Variants in FBXO28 observed in about 807,000 individuals in gnomAD.
FBXO28 encodes F-box protein 28.
Under a neutral mutation model 38.1 loss-of-function variants are expected in FBXO28, and 8 were observed. That is an observed-to-expected ratio of 0.21 (90% CI 0.12 to 0.38). The LOEUF is 0.38. Ranked by LOEUF, FBXO28 falls within the 10% of genes least tolerant of loss-of-function variation. The probability of loss-of-function intolerance (pLI) is 1.00; values close to 1 mark genes in which losing one functional copy is unlikely to be tolerated. For missense variants in FBXO28, 345 were observed against 460.6 expected (o/e 0.75, Z 2.30); for synonymous variants, 168 against 173.8 (o/e 0.97, Z 0.26).
intron 3 of FBXO28, among the ~76,000 whole-genome samples, chr1:224,137,543 A>G (rs1373300574): frequency 6.6e-6 from 1 of 151,860 alleles, no homozygotes; most frequent in East Asian, 1.9e-4. Context: ...AGAAAAAAGA[A>G]AAAGGAAGAC....
At chr1:224,139,795 TACA>T (rs1412856307) in intron 3 of FBXO28, among the ~76,000 whole-genome samples, 1 of 151,834 alleles carries the variant, frequency 6.6e-6, no homozygotes, top group African/African-American at 2.4e-5. Context: ...CATACATACA[TACA>T]TACATTTTGG....
At chr1:224,130,301 C>T (rs1269391219) in intron 1 of FBXO28, among the ~76,000 whole-genome samples, 171 bp from the exon 2 acceptor site, 1 of 152,118 alleles carries the variant, frequency 6.6e-6, no homozygotes, top group Non-Finnish European at 1.5e-5. Context: ...GAGATTGCAC[C>T]ACTGCACTCC....
At position 224,157,704 on chromosome 1, in the gene FBXO28, A is replaced by T; in HGVS notation, c.1065A>T (p.Ile355=). The T allele has an allele frequency of 6.2e-7, 1 of 1,612,956 alleles. No homozygotes were observed. Among genetic ancestry groups the T allele is most frequent in the Non-Finnish European group, 8.5e-7 (1 of 1,179,742 alleles). Residue 355 remains isoleucine (I), a synonymous_variant, in exon 5 of 5, where the codon ATA becomes ATT. Coordinates refer to ENST00000366862, the MANE Select transcript of FBXO28 (RefSeq NM_015176.4). The stretch of plus-strand genomic sequence containing the variant: ...AACGAAAAAAGGCCACGGAAGCCAT[A>T]GACTCTCTTAGGAAATCTAAACGTC... ...PRKRKKATEA[I]DSLRKSKRLR...
At chr1:224,129,351 T>A (rs1428105555) in intron 1 of FBXO28, among the ~76,000 whole-genome samples, 1 of 152,088 alleles carries the variant, frequency 6.6e-6, no homozygotes. Flanking sequence ...AAAAAGATAT[T>A]TTGGAGGATA....
At chr1:224,144,619 G>C (rs1016086014) in intron 3 of FBXO28, among the ~76,000 whole-genome samples, 1 of 151,548 alleles carries the variant, frequency 6.6e-6, no homozygotes, top group South Asian at 2.1e-4. Flanking sequence ...TTAGCTGGGC[G>C]TGGGTGTGTG....
intron 1 of FBXO28, among the ~76,000 whole-genome samples, chr1:224,120,324 C>T (rs1656742399): frequency 6.6e-6 from 1 of 152,178 alleles, no homozygotes; most frequent in East Asian, 1.9e-4. Flanking sequence ...GTTTCGCTCT[C>T]CTAGAAAATA....
chr1:224,131,742 A>G (rs1465262891), intron 2 of FBXO28, among the ~76,000 whole-genome samples: 1 of 152,216 alleles, frequency 6.6e-6, no homozygotes, highest in African/African-American at 2.4e-5. Flanking sequence ...CATAGTAGTA[A>G]GTCTTCATGA....
chr1:224,127,985 A>C (rs903276447), intron 1 of FBXO28, among the ~76,000 whole-genome samples: 1 of 152,204 alleles, frequency 6.6e-6, no homozygotes, highest in African/African-American at 2.4e-5. Flanking sequence ...AATTGAAAAG[A>C]ACAGTTTTCC....
Position 224,161,723 on chromosome 1 carries a change from G to A in FBXO28, c.*3977G>A, listed in dbSNP as rs1269004505. On this transcript the variant is annotated 3_prime_UTR_variant, in exon 5 of 5. Transcript: ENST00000366862. ...CTTTTGCATCTTCCTAAGCATCTTG[G>A]TTAAATTTCTGAAGTTTAAAAATTA... is the stretch of plus-strand genomic sequence containing the variant. 6.6e-6 allele frequency: 1 copy of A among 152,138 alleles called. No individual in the cohort carries two copies. The highest frequency in any genetic ancestry group is 1.5e-5 in the Non-Finnish European group (1 of 68,012). The allele number at this position is 152,138 out of a possible 1,614,324, so 9.4% of individuals were successfully genotyped here. A position where few individuals can be genotyped will look rare whatever the true frequency, so the allele number is the denominator to read the frequency against.
intron 3 of FBXO28, among the ~76,000 whole-genome samples, chr1:224,149,442 C>T (rs1258308674): frequency 6.6e-6 from 1 of 152,130 alleles, no homozygotes; most frequent in Non-Finnish European, 1.5e-5. Context: ...CTTCCCACCT[C>T]GGCCTCCCAA....
chr1:224,142,473 T>C (rs1455651505), intron 3 of FBXO28, among the ~76,000 whole-genome samples: 1 of 152,032 alleles, frequency 6.6e-6, no homozygotes, highest in Non-Finnish European at 1.5e-5. Context: ...TCTTGACTTT[T>C]TTGTAATAAC....
At chr1:224,136,313 G>A (rs1157623600) in intron 3 of FBXO28, among the ~76,000 whole-genome samples, 1 of 151,712 alleles carries the variant, frequency 6.6e-6, no homozygotes, top group Non-Finnish European at 1.5e-5. Context: ...ATTTCCACAT[G>A]CTGAAGTAAG....
intron 1 of FBXO28, among the ~76,000 whole-genome samples, chr1:224,124,767 C>T (rs1025477291): frequency 6.6e-6 from 1 of 152,078 alleles, no homozygotes; most frequent in African/African-American, 2.4e-5. Context: ...GCTCTGTCAC[C>T]CAGGCTGGAT....
rs1657826078 is a variant in FBXO28 at position 224,158,653 on chromosome 1, T to C, written c.*907T>C. ...TGCTCTCTGTAGGGTTCAGGTACAC[T>C]GGCTAAGGCAGAACCCCAAATTTCA... On this transcript the variant is annotated 3_prime_UTR_variant, in exon 5 of 5. Coordinates refer to ENST00000366862, the MANE Select transcript of FBXO28 (RefSeq NM_015176.4). 1 of 152,214 alleles carries C rather than the reference T, an allele frequency of 6.6e-6. No individual in the cohort carries two copies. The highest frequency in any genetic ancestry group is 6.5e-5 in the Admixed American group (1 of 15,280). The allele number at this position is 152,214 out of a possible 1,614,324, so 9.4% of individuals were successfully genotyped here.
chr1:224,146,898 G>C (rs1385391762), intron 3 of FBXO28, among the ~76,000 whole-genome samples: 3 of 150,738 alleles, frequency 2.0e-5, no homozygotes, highest in Non-Finnish European at 4.4e-5. Flanking sequence ...AGTAGAGACA[G>C]GGTTTCACCA....
intron 1 of FBXO28, among the ~76,000 whole-genome samples, chr1:224,128,283 G>A (rs894539503): frequency 6.7e-6 from 1 of 149,148 alleles, no homozygotes; most frequent in African/African-American, 2.5e-5. Context: ...TCCATGTCTT[G>A]TACTGCAACG....
intron 1 of FBXO28, among the ~76,000 whole-genome samples, chr1:224,121,858 C>T (rs1656786901): frequency 6.6e-6 from 1 of 152,140 alleles, no homozygotes; most frequent in Non-Finnish European, 1.5e-5. Context: ...CCATTGCCAC[C>T]TCTGCCTCCT....
chr1:224,138,573 T>TAAG (rs1657254391), intron 3 of FBXO28, among the ~76,000 whole-genome samples: 1 of 151,788 alleles, frequency 6.6e-6, no homozygotes, highest in Non-Finnish European at 1.5e-5. Flanking sequence ...ATCTTCTATC[T>TAAG]AACACATGGA....
chr1:224,125,642 C>CTT (rs1270361956), intron 1 of FBXO28, among the ~76,000 whole-genome samples: 30 of 140,704 alleles, frequency 2.1e-4, no homozygotes, highest in Middle Eastern at 3.6e-3. Context: ...TACTCATTCT[C>CTT]TTTTTTTTTT....
Sources: allele counts gnomAD v4.1 joint callset (sites outside exome capture counted in the v4.1 genomes callset), GRCh38; gene constraint gnomAD v4.1.1; transcripts MANE v1.5; gene names NCBI Gene and HGNC (gene_info 2026-07-23, HGNC 2026-07-21).